The following ATP1B3 variants were observed in gnomAD, a reference collection of about 807,000 sequenced individuals.
ATP1B3 encodes the protein sodium/potassium-transporting ATPase subunit beta-3.
A neutral mutation model predicts 30.2 loss-of-function variants in ATP1B3; 10 were observed. That is an observed-to-expected ratio of 0.33 (90% CI 0.20 to 0.56). The LOEUF (loss-of-function observed/expected upper bound fraction) is 0.56, where lower values mean the gene tolerates loss of function less well. ATP1B3 is among the 20% of genes least tolerant of loss of function. The probability of loss-of-function intolerance (pLI) is 0.90; values close to 1 mark genes in which losing one functional copy is unlikely to be tolerated. For missense variants in ATP1B3, 238 were observed against 336.7 expected, an observed-to-expected ratio of 0.71 and a Z score of 2.29; for synonymous variants, 113 against 117.0, an observed-to-expected ratio of 0.97 and a Z score of 0.22.
At chr3:141,913,278 ACT>A (rs1175159112) in intron 3 of ATP1B3, among the ~76,000 whole-genome samples, 1 of 150,004 alleles carries the variant, frequency 6.7e-6, no homozygotes, top group Non-Finnish European at 1.5e-5. Context: ...TCACTTAATG[ACT>A]CTCTTCCCCA....
At chr3:141,894,183 G>T (rs1454761531) in intron 1 of ATP1B3, among the ~76,000 whole-genome samples, 1 of 152,198 alleles carries the variant, frequency 6.6e-6, no homozygotes, top group Non-Finnish European at 1.5e-5. Context: ...GTTGCAGTGA[G>T]TGAGTGGTGA....
chr3:141,883,305 T>C (rs1446953124), intron 1 of ATP1B3, among the ~76,000 whole-genome samples: 1 of 152,160 alleles, frequency 6.6e-6, no homozygotes, highest in Non-Finnish European at 1.5e-5. Flanking sequence ...CTGGGCAACA[T>C]GGTGAAACCC....
At chr3:141,895,884 G>GT (rs1157368086) in intron 1 of ATP1B3, among the ~76,000 whole-genome samples, 1 of 152,140 alleles carries the variant, frequency 6.6e-6, no homozygotes, top group Non-Finnish European at 1.5e-5. Context: ...TCATTACATG[G>GT]TACGGTCAGT....
intron 3 of ATP1B3, among the ~76,000 whole-genome samples, chr3:141,907,563 C>G (rs1291545357): frequency 6.6e-6 from 1 of 152,026 alleles, no homozygotes; most frequent in Non-Finnish European, 1.5e-5. Flanking sequence ...ATCGCTTGAG[C>G]CTGGGAGGCA....
At chr3:141,884,209 ATT>A (rs1933788690) in intron 1 of ATP1B3, among the ~76,000 whole-genome samples, 1 of 151,970 alleles carries the variant, frequency 6.6e-6, no homozygotes, top group African/African-American at 2.4e-5. Flanking sequence ...TTACTGAGTC[ATT>A]TGTGGAGCTA....
chr3:141,912,375 G>A (rs1022702105), intron 3 of ATP1B3, among the ~76,000 whole-genome samples: 1 of 152,092 alleles, frequency 6.6e-6, no homozygotes, highest in African/African-American at 2.4e-5. Flanking sequence ...TCCTGCCTCA[G>A]TAGAATCCGA....
intron 1 of ATP1B3, among the ~76,000 whole-genome samples, chr3:141,899,304 A>G (rs1934120697): frequency 6.6e-6 from 1 of 152,232 alleles, no homozygotes; most frequent in South Asian, 2.1e-4. Flanking sequence ...TGGATTTTTT[A>G]GAAATTATAC....
At chr3:141,897,971 A>C (rs1211439444) in intron 1 of ATP1B3, among the ~76,000 whole-genome samples, 1 of 152,202 alleles carries the variant, frequency 6.6e-6, no homozygotes, top group Non-Finnish European at 1.5e-5. Context: ...CGGCCTCTCA[A>C]AGTGCTGGGA....
At chr3:141,911,914 G>T (rs1934369127) in intron 3 of ATP1B3, among the ~76,000 whole-genome samples, 1 of 152,142 alleles carries the variant, frequency 6.6e-6, no homozygotes, top group African/African-American at 2.4e-5. Context: ...TCATCACACA[G>T]TTCCTTACAC....
intron 1 of ATP1B3, among the ~76,000 whole-genome samples, chr3:141,887,948 GTGA>G (rs1277208380): frequency 6.6e-6 from 1 of 152,208 alleles, no homozygotes; most frequent in Non-Finnish European, 1.5e-5. Flanking sequence ...AACTTTCAGG[GTGA>G]TGATAAGTGT....
chr3:141,879,932 T>C (rs1026696690), intron 1 of ATP1B3, among the ~76,000 whole-genome samples: 16 of 150,922 alleles, frequency 1.1e-4, no homozygotes, highest in Admixed American at 9.3e-4. Context: ...GAGAAAAAGA[T>C]TATGTATTTG....
chr3:141,892,210 T>A (rs908892789), intron 1 of ATP1B3, among the ~76,000 whole-genome samples: 2 of 152,218 alleles, frequency 1.3e-5, no homozygotes, highest in Admixed American at 6.5e-5. Context: ...ATGCTGTATC[T>A]TCTTTATGTG....
intron 1 of ATP1B3, among the ~76,000 whole-genome samples, chr3:141,890,811 G>T (rs550132765): frequency 1.3e-5 from 2 of 152,218 alleles, no homozygotes; most frequent in African/African-American, 4.8e-5. Context: ...GAGCTGAAGC[G>T]ATCTGCCTGC....
At chr3:141,917,777 T>A (rs569307057) in intron 5 of ATP1B3, among the ~76,000 whole-genome samples, 7 of 151,572 alleles carry the variant, frequency 4.6e-5, no homozygotes, top group East Asian at 1.9e-4. Flanking sequence ...TTTTATTTTT[T>A]TTTTTTTGGA....
At chr3:141,877,204 C>G (rs982033922) in intron 1 of ATP1B3, among the ~76,000 whole-genome samples, 1 of 127,854 alleles carries the variant, frequency 7.8e-6, no homozygotes, top group African/African-American at 2.9e-5. Flanking sequence ...GCCTCCCGCC[C>G]GGCGCGGCGC....
In ATP1B3 at chr3:141,907,230, C is replaced by T; in HGVS notation, c.302C>T (p.Thr101Ile). Residue 101 changes from threonine to isoleucine, a missense_variant, in exon 3 of 7, where the codon ACT becomes ATT. By Grantham distance (89) the Thr-to-Ile change is moderately conservative (BLOSUM62 -1). Around this residue, in one of 3 missense-constraint regions of ATP1B3, gnomAD observed 130 missense variants for 148.8 expected, o/e 0.87. Coordinates refer to ENST00000286371, the MANE Select transcript of ATP1B3 (RefSeq NM_001679.4). ...LEYTFSRSDP[T>I]SYAGYIEDLK... ...TATACATTCAGTAGGTCTGATCCAA[C>T]TTCGTATGCAGGGTACATTGAAGAC... 1 of 1,612,976 alleles carries T rather than the reference C, an allele frequency of 6.2e-7. No individual in the cohort carries two copies. The highest frequency in any genetic ancestry group is 8.5e-7 in the Non-Finnish European group (1 of 1,179,624).
intron 5 of ATP1B3, among the ~76,000 whole-genome samples, chr3:141,919,713 C>CG (rs1406214061): frequency 3.9e-5 from 6 of 152,014 alleles, no homozygotes; most frequent in Admixed American, 3.3e-4. Flanking sequence ...CCAAGGTAGG[C>CG]GGATCACCAG....
intron 1 of ATP1B3, among the ~76,000 whole-genome samples, chr3:141,901,368 T>C (rs1305887004): frequency 6.6e-6 from 1 of 152,186 alleles, no homozygotes; most frequent in Non-Finnish European, 1.5e-5. Context: ...AACTTCTGTT[T>C]TTATTTTCTG....
intron 2 of ATP1B3, among the ~76,000 whole-genome samples, chr3:141,906,036 GTATT>G (rs1259809445): frequency 2.0e-5 from 3 of 150,876 alleles, no homozygotes; most frequent in Non-Finnish European, 2.9e-5. Flanking sequence ...TATATAATAT[GTATT>G]TATGTGTTGT....
Sources: allele counts gnomAD v4.1 joint callset (sites outside exome capture counted in the v4.1 genomes callset), GRCh38; gene constraint gnomAD v4.1.1; regional missense constraint gnomAD v4.1.1; transcripts MANE v1.5; gene names NCBI Gene and HGNC (gene_info 2026-07-23, HGNC 2026-07-21).